CHFR: variants seen among roughly 807,000 people sequenced by gnomAD.
CHFR encodes the protein E3 ubiquitin-protein ligase CHFR.
In CHFR, 57 loss-of-function variants were observed where a neutral mutation model predicts 87.6. The observed-to-expected ratio is 0.65, with a 90% confidence interval of 0.53 to 0.81. The LOEUF is 0.81. CHFR is among the 30% of genes least tolerant of loss of function. The pLI, the probability that CHFR is intolerant of heterozygous loss-of-function variation, is 0.00. For synonymous variants in CHFR, 381 were observed against 359.2 expected (o/e 1.06, Z -0.69); for missense variants, 797 against 865.8 (o/e 0.92, Z 1.00).
At chr12:132,843,413 C>G (rs1396240006) in intron 16 of CHFR, among the ~76,000 whole-genome samples, 2 of 151,844 alleles carry the variant, frequency 1.3e-5, no homozygotes, top group African/African-American at 2.4e-5. Flanking sequence ...GCGACAGAGT[C>G]AGACTCTGTC....
rs1951471200 is a variant in CHFR, at chr12:132,870,756, C to T, written c.371G>A (p.Ser124Asn). The change falls in exon 5 of 18, where the codon AGT (serine) becomes AAT (asparagine). Residue 124 changes from serine (S) to asparagine (N), a missense_variant. Around this residue, in one of 2 missense-constraint regions of CHFR, gnomAD observed 597 missense variants for 601.2 expected, o/e 0.99. Coordinates refer to ENST00000450056, the MANE Select transcript of CHFR (RefSeq NM_001161346.2). Reference sequence around the variant, plus strand: ...TTCTTGTGTCATGCCTTGCTTTTCACTTAAAGATTCATAGAGGTATGCCAC... The same window carrying T: ...TTCTTGTGTCATGCCTTGCTTTTCATTTAAAGATTCATAGAGGTATGCCAC... Reference protein sequence around the residue: ...HNVAYLYESLSEKQGMTQESF... With the variant: ...HNVAYLYESLNEKQGMTQESF... The T allele has an allele frequency of 1.9e-6, 3 of 1,611,600 alleles. No individual in the cohort carries two copies. The highest frequency in any genetic ancestry group is 1.7e-4 in the Middle Eastern group (1 of 6,054).
chr12:132,877,608 G>C lies in CHFR; in HGVS notation c.180C>G (p.His60Gln), dbSNP rs1468386635. ...FPSNKLVSGD[H>Q]CRIVVDEKSG... ...ATTTTTCATCCACTACAATTCTACA[G>C]TGATCTCCAGAGACCAGTTTATTGC... The change falls in exon 3 of 18, where the codon CAC becomes CAG. Residue 60 changes from histidine (H) to glutamine (Q), a missense_variant. Physicochemically the swap from His to Gln is conservative, Grantham distance 24. Around this residue, in one of 2 missense-constraint regions of CHFR, gnomAD observed 597 missense variants for 601.2 expected, o/e 0.99. Transcript: ENST00000450056. 2 of 1,613,674 alleles carry C rather than the reference G, an allele frequency of 1.2e-6. No homozygotes were observed. Among genetic ancestry groups the C allele is most frequent in the Non-Finnish European group, 1.7e-6 (2 of 1,179,796 alleles).
At chr12:132,881,860 G>C (rs1023422270) in intron 2 of CHFR, among the ~76,000 whole-genome samples, 6 of 84,088 alleles carry the variant, frequency 7.1e-5, no homozygotes, top group African/African-American at 1.4e-4. Context: ...AGGGCAAGAC[G>C]CTGTCTCAAA....
intron 14 of CHFR, 41 bp from the exon 15 acceptor site, chr12:132,847,171 A>G: frequency 6.2e-7 from 1 of 1,609,932 alleles, no homozygotes; most frequent in Non-Finnish European, 8.5e-7. Context: ...ATACTCGTTT[A>G]GAGGAAGAAA....
At position 132,838,213 on chromosome 12, in the gene CHFR, C is replaced by T. The variant is rs1020722382; in HGVS notation, c.*3341G>A. The T allele has an allele frequency of 5.9e-5, 9 of 152,562 alleles. No homozygotes were observed. Among genetic ancestry groups the T allele is most frequent in the Admixed American group, 1.3e-4 (2 of 15,284 alleles). 9.5% of individuals were successfully genotyped at this position (152,562 alleles called of 1,614,324 possible). A position where few individuals can be genotyped will look rare whatever the true frequency, so the allele number is the denominator to read the frequency against. On this transcript the variant is annotated 3_prime_UTR_variant, in exon 18 of 18. Transcript: ENST00000450056. ...CAGCCCCTGGACCCCGGCTCTCACA[C>T]CTGGGCCCGACCACTCCCATCCTGC...
intron 2 of CHFR, among the ~76,000 whole-genome samples, chr12:132,880,949 A>G (rs1951754350): frequency 6.6e-6 from 1 of 151,154 alleles, no homozygotes; most frequent in Non-Finnish European, 1.5e-5. Context: ...TGGGCGACAG[A>G]GCGAGACTCT....
rs1564648 is a variant in CHFR at position 132,832,998 on chromosome 12, G to A, written c.*8556C>T. The A allele has an allele frequency of 0.35, 53,394 of 152,016 alleles. 11,701 individuals carry two copies. The highest frequency in any genetic ancestry group is 0.48 in the Non-Finnish European group (32,898 of 67,966). The allele number at this position is 152,016 out of a possible 1,614,324, so 9.4% of individuals were successfully genotyped here. On this transcript the variant is annotated 3_prime_UTR_variant, in exon 18 of 18. Coordinates refer to ENST00000450056, the MANE Select transcript of CHFR (RefSeq NM_001161346.2). ...CATTTCATAGAAATGGGATCATATCGTATGTGGCCTTCTGTGACGCCTTTT... is the reference window on the plus strand; with the variant it reads ...CATTTCATAGAAATGGGATCATATCATATGTGGCCTTCTGTGACGCCTTTT...
At chr12:132,857,869 T>C (rs1443325114) in intron 8 of CHFR, among the ~76,000 whole-genome samples, 1 of 152,234 alleles carries the variant, frequency 6.6e-6, no homozygotes, top group East Asian at 1.9e-4. Flanking sequence ...AAGGAGGCCC[T>C]TCCTCAGCGG....
rs1193680874 is a variant in CHFR, at chr12:132,881,762, G to C, written c.134-4108C>G. 2.0e-5 allele frequency among the ~76,000 whole-genome samples: 3 copies of C among 151,952 alleles called. No individual in the cohort carries two copies. In the East Asian group the frequency reaches 5.8e-4, roughly 30 times the overall value. ...ACGTGCCTGTAGTCCCAGCTACTCAGGAGGCTGAGGCAAGAGAATGGCTTG... is the reference window on the plus strand; with the variant it reads ...ACGTGCCTGTAGTCCCAGCTACTCACGAGGCTGAGGCAAGAGAATGGCTTG... On this transcript the variant is annotated intron_variant, in intron 2 of 17. Coordinates refer to ENST00000450056, the MANE Select transcript of CHFR (RefSeq NM_001161346.2).
Position 132,887,334 on chromosome 12 carries a change from T to A in CHFR, c.-6A>T. The A allele has an allele frequency of 1.4e-6, 2 of 1,456,138 alleles. No individual in the cohort carries two copies. Among genetic ancestry groups the A allele is most frequent in the South Asian group, 2.7e-5 (2 of 74,802 alleles). 90.2% of individuals were successfully genotyped at this position (1,456,138 alleles called of 1,614,324 possible). On this transcript the variant is annotated 5_prime_UTR_variant, in exon 2 of 18. Coordinates refer to ENST00000450056, the MANE Select transcript of CHFR (RefSeq NM_001161346.2). Reference sequence around the variant, plus strand: ...CCTTCCTCGGGCCGCTCCATCGGGATTCACATCTGCGGAGACCCCGGAAAC... The same window carrying A: ...CCTTCCTCGGGCCGCTCCATCGGGAATCACATCTGCGGAGACCCCGGAAAC...
chr12:132,872,373 G>C lies in CHFR; in HGVS notation c.255C>G (p.Asn85Lys). The change falls in exon 4 of 18, where the codon AAC becomes AAG. Residue 85 changes from asparagine to lysine, a missense_variant. By Grantham distance (94) the Asn-to-Lys change is moderately conservative. Coordinates refer to ENST00000450056, the MANE Select transcript of CHFR (RefSeq NM_001161346.2). ...TCTGCTTCTTAACAACCTTCAGCTT[G>C]TTAATCACTGTTCCACTGGTGCTGT... The part of the protein sequence containing the change: ...EDTSTSGTVI[N>K]KLKVVKKQTC... 3.7e-6 allele frequency: 6 copies of C among 1,612,344 alleles called. No homozygotes were observed. The highest frequency in any genetic ancestry group is 4.2e-6 in the Non-Finnish European group (5 of 1,178,462).
intron 5 of CHFR, among the ~76,000 whole-genome samples, 167 bp downstream of exon 5, chr12:132,870,557 G>C (rs1293791901): frequency 2.0e-5 from 3 of 148,554 alleles, no homozygotes; most frequent in African/African-American, 7.4e-5. Flanking sequence ...AAAAATGGGA[G>C]ACTGAAGCAG....
At chr12:132,856,783 C>T (rs2136962927) in intron 9 of CHFR, 153 bp from the exon 10 acceptor site, 3 of 860,922 alleles carry the variant, frequency 3.5e-6, no homozygotes, top group East Asian at 4.9e-5. Context: ...GAGGGACTGC[C>T]CTCACGTGCC....
chr12:132,838,536 TGAG>T lies in CHFR; in HGVS notation c.*3015_*3017del, dbSNP rs1470548103. 6.6e-6 allele frequency: 1 copy of T among 152,360 alleles called. No individual in the cohort carries two copies. The highest frequency in any genetic ancestry group is 1.5e-5 in the Non-Finnish European group (1 of 68,238). The allele number at this position is 152,360 out of a possible 1,614,324, so 9.4% of individuals were successfully genotyped here. On this transcript the variant is annotated 3_prime_UTR_variant, in exon 18 of 18. Transcript: ENST00000450056. ...CAGGGAGCACAGAGGGAGCCGCAGA[TGAG>T]GAGTGCGTGGGGAGACGGTCTGTGG... is the stretch of plus-strand genomic sequence containing the variant.
At chr12:132,848,009 A>G (rs541643632) in intron 14 of CHFR, 76 bp downstream of exon 14, 2 of 1,604,952 alleles carry the variant, frequency 1.2e-6, no homozygotes, top group Admixed American at 1.7e-5. Context: ...AAACACCAAT[A>G]GAATGCAGAG....
At chr12:132,862,402 G>T (rs1951231839) in intron 6 of CHFR, 1 of 446,588 alleles carries the variant, frequency 2.2e-6, no homozygotes, top group South Asian at 1.6e-5. Context: ...AGACCAGCCT[G>T]GGCAACACAG....
At chr12:132,846,957 G>A (rs748158399) in intron 15 of CHFR, 86 bp downstream of exon 15, 25 of 926,682 alleles carry the variant, frequency 2.7e-5, no homozygotes, top group South Asian at 4.0e-5. Flanking sequence ...GGTGAAGGTC[G>A]GAGTTGTCAC....
At position 132,833,007 on chromosome 12, in the gene CHFR, CT is replaced by C. The variant is rs1012054523; in HGVS notation, c.*8546del. On this transcript the variant is annotated 3_prime_UTR_variant, in exon 18 of 18. Transcript: ENST00000450056. ...GAAATGGGATCATATCGTATGTGGC[CT>C]TCTGTGACGCCTTTTCACTTGCATG... is the stretch of plus-strand genomic sequence containing the variant. 2 of 152,198 alleles carry C rather than the reference CT, an allele frequency of 1.3e-5. No homozygotes were observed. The highest frequency in any genetic ancestry group is 2.9e-5 in the Non-Finnish European group (2 of 68,030). 9.4% of individuals were successfully genotyped at this position (152,198 alleles called of 1,614,324 possible).
rs1480364549 is a variant in CHFR, at chr12:132,832,886, T to TCCTTCTTGCATTCACTCCCTATC, written c.*8645_*8667dup. ...GGATACTTCCGTTACCTCAGAAGGA[T>TCCTTCTTGCATTCACTCCCTATC]CCTTCTTGCATTCACTCCCTATCCC... On this transcript the variant is annotated 3_prime_UTR_variant, in exon 18 of 18. Coordinates refer to ENST00000450056, the MANE Select transcript of CHFR (RefSeq NM_001161346.2). 1.3e-5 allele frequency: 2 copies of TCCTTCTTGCATTCACTCCCTATC among 152,200 alleles called. No individual in the cohort carries two copies. Among genetic ancestry groups the TCCTTCTTGCATTCACTCCCTATC allele is most frequent in the Non-Finnish European group, 2.9e-5 (2 of 68,036 alleles). The allele number at this position is 152,200 out of a possible 1,614,324, so 9.4% of individuals were successfully genotyped here.
Sources: gnomAD v4.1 joint callset for allele counts (sites outside exome capture counted in the v4.1 genomes callset) on GRCh38, gnomAD v4.1.1 for gene constraint, gnomAD v4.1.1 regional missense constraint, MANE v1.5 for transcripts, NCBI Gene and HGNC (gene_info 2026-07-23, HGNC 2026-07-21) for gene names.